Variants in UBXN8 observed in about 807,000 individuals in gnomAD.
UBXN8 encodes the protein UBX domain-containing protein 8.
Under a neutral mutation model 32.1 loss-of-function variants are expected in UBXN8, and 27 were observed. That is an observed-to-expected ratio of 0.84 (90% CI 0.62 to 1.16). The LOEUF (loss-of-function observed/expected upper bound fraction) is 1.16, where lower values mean the gene tolerates loss of function less well. Among genes scored for constraint, UBXN8 ranks in the 50% most tolerant of loss-of-function variants. UBXN8 has a pLI of 0.00. For missense variants in UBXN8, 306 were observed against 311.4 expected (o/e 0.98, Z 0.13); for synonymous variants, 109 against 111.8 (o/e 0.98, Z 0.16).
chr8:30,759,788 C>G (rs1805775973), intron 5 of UBXN8, among the ~76,000 whole-genome samples: 1 of 150,636 alleles, frequency 6.6e-6, no homozygotes, highest in Non-Finnish European at 1.5e-5. Context: ...AACCCTATCT[C>G]TACTAAAAAA....
At chr8:30,754,568 G>A in intron 3 of UBXN8, 97 bp from the exon 4 acceptor site, 1 of 1,451,486 alleles carries the variant, frequency 6.9e-7, no homozygotes. Context: ...CAGCCAGCAG[G>A]GTTCTTACTT....
At chr8:30,729,424 C>A (rs1342247979), upstream of UBXN8, among the ~76,000 whole-genome samples, 2 of 152,206 alleles carry the variant, frequency 1.3e-5, no homozygotes, top group Non-Finnish European at 2.9e-5. Flanking sequence ...CCTGTACTGG[C>A]ACTTTGGTTT....
chr8:30,734,760 A>G (rs79317451), intron 1 of UBXN8, among the ~76,000 whole-genome samples: 171 of 152,326 alleles, frequency 1.1e-3, no homozygotes, highest in African/African-American at 4.1e-3. Context: ...CGTACGCAAC[A>G]TAGTAAGACC....
At chr8:30,742,741 T>C (rs1466475433), upstream of UBXN8, among the ~76,000 whole-genome samples, 2 of 152,172 alleles carry the variant, frequency 1.3e-5, no homozygotes, top group Non-Finnish European at 2.9e-5. Context: ...CCCAGATTCC[T>C]AACCTTTGAA....
intron 5 of UBXN8, among the ~76,000 whole-genome samples, chr8:30,758,446 C>G (rs746950760): frequency 6.6e-6 from 1 of 152,172 alleles, no homozygotes; most frequent in African/African-American, 2.4e-5. Context: ...CAATCCTTAA[C>G]TAAGTTAATT....
At chr8:30,756,379 C>T in intron 4 of UBXN8, 1 of 181,136 alleles carries the variant, frequency 5.5e-6, no homozygotes, top group South Asian at 1.2e-4. Flanking sequence ...TCCTGACCTC[C>T]TGTGATCTGC....
rs568846733 is a variant in UBXN8 at position 30,737,519 on chromosome 8, A to G, written c.622+4211A>G. ...TCTTATTTGTGGCTATATCTCCAGC[A>G]TCTGTAACAGCACCTGGGGTGTGGT... is the stretch of plus-strand genomic sequence containing the variant. On this transcript the variant is annotated intron_variant, in intron 1 of 1. Coordinates refer to the UBXN8 transcript ENST00000522968. Among the ~76,000 whole-genome samples, 24 of 152,300 alleles carry G rather than the reference A, an allele frequency of 1.6e-4. 1 individual carries two copies. The South Asian group carries it at 5.0e-3, about 32-fold the overall frequency.
At chr8:30,734,750 C>T (rs1202838604) in intron 1 of UBXN8, among the ~76,000 whole-genome samples, 5 of 152,242 alleles carry the variant, frequency 3.3e-5, no homozygotes, top group South Asian at 2.1e-4. Context: ...TCGAGACCAG[C>T]GTACGCAACA....
intron 1 of UBXN8, among the ~76,000 whole-genome samples, chr8:30,736,183 ATAAC>A (rs1805066964): frequency 6.6e-6 from 1 of 152,252 alleles, no homozygotes; most frequent in African/African-American, 2.4e-5. Flanking sequence ...AACAATAACT[ATAAC>A]TAAACGTGGA....
chr8:30,751,530 A>G lies in UBXN8; in HGVS notation c.211+12A>G. 1.3e-6 allele frequency: 2 copies of G among 1,591,298 alleles called. No individual in the cohort carries two copies. Among genetic ancestry groups the G allele is most frequent in the Non-Finnish European group, 1.7e-6 (2 of 1,170,476 alleles). The stretch of plus-strand genomic sequence containing the variant: ...AGTTTATCTGAAGGGTAAGTTTATT[A>G]TTTATTCTACCCTTTTATACCATTC... On this transcript the variant is annotated intron_variant, in intron 2 of 7. Coordinates refer to ENST00000265616, the MANE Select transcript of UBXN8 (RefSeq NM_005671.4).
upstream of UBXN8, among the ~76,000 whole-genome samples, chr8:30,740,878 C>T (rs1254099062): frequency 8.5e-5 from 13 of 152,176 alleles, no homozygotes; most frequent in Admixed American, 8.5e-4. Flanking sequence ...TAGGAACTTC[C>T]CATTTATCTG....
chr8:30,744,476 G>A (rs562112955), intron 1 of UBXN8, 199 bp downstream of exon 1: 2 of 615,424 alleles, frequency 3.2e-6, no homozygotes, highest in East Asian at 2.7e-5. Flanking sequence ...ATGGTTTTAC[G>A]TGTAAGAGGG....
intron 1 of UBXN8, 99 bp downstream of exon 1, chr8:30,744,376 G>C (rs1014074706): frequency 5.0e-6 from 6 of 1,195,668 alleles, no homozygotes; most frequent in Non-Finnish European, 7.3e-6. Context: ...CTTCGGAGCA[G>C]CTTTGACTAC....
intron 4 of UBXN8, 127 bp downstream of exon 4, chr8:30,754,914 T>C: frequency 8.1e-7 from 1 of 1,241,306 alleles, no homozygotes; most frequent in South Asian, 1.7e-5. Context: ...TTATCAGTTT[T>C]TGTTCAGCAT....
At chr8:30,763,112 C>G in intron 6 of UBXN8, 161 bp from the exon 7 acceptor site, 2 of 666,780 alleles carry the variant, frequency 3.0e-6, no homozygotes, top group Non-Finnish European at 5.1e-6. Flanking sequence ...TCCCAAAGTC[C>G]TGGGATTACA....
upstream of UBXN8, among the ~76,000 whole-genome samples, chr8:30,730,077 A>T (rs1428986269): frequency 6.6e-6 from 1 of 152,182 alleles, no homozygotes; most frequent in Admixed American, 6.5e-5. Context: ...GAGGCTCCCC[A>T]CTTTTGAGTC....
chr8:30,756,654 T>C, intron 4 of UBXN8, 111 bp from the exon 5 acceptor site: 2 of 1,476,626 alleles, frequency 1.4e-6, no homozygotes, highest in South Asian at 2.7e-5. Context: ...TGCTAATATT[T>C]TTCTACTGAT....
At chr8:30,736,503 C>T (rs1160221664) in intron 1 of UBXN8, among the ~76,000 whole-genome samples, 2 of 151,970 alleles carry the variant, frequency 1.3e-5, no homozygotes, top group African/African-American at 2.4e-5. Context: ...GACGGAGTTT[C>T]GCTCTTATCT....
chr8:30,730,502 A>G (rs1197539587), upstream of UBXN8, among the ~76,000 whole-genome samples: 1 of 152,134 alleles, frequency 6.6e-6, no homozygotes, highest in Admixed American at 6.6e-5. Context: ...GGGAACATGC[A>G]CCGGCTGATT....
Sources: allele counts gnomAD v4.1 joint callset (sites outside exome capture counted in the v4.1 genomes callset), GRCh38; gene constraint gnomAD v4.1.1; transcripts MANE v1.5; gene names NCBI Gene and HGNC (gene_info 2026-07-23, HGNC 2026-07-21).